LINGO2: variants seen among roughly 807,000 people sequenced by gnomAD.
The protein encoded by LINGO2 is leucine rich repeat and Ig domain containing 2, also known as leucine-rich repeat and immunoglobulin-like domain-containing nogo receptor-interacting protein 2.
Under a neutral mutation model 30.6 loss-of-function variants are expected in LINGO2, and 14 were observed. That is an observed-to-expected ratio of 0.46 (90% CI 0.30 to 0.72). The LOEUF is 0.72. LINGO2 is among the 30% of genes least tolerant of loss of function. LINGO2 has a pLI of 0.07. For missense variants in LINGO2, 729 were observed against 751.7 expected (o/e 0.97, Z 0.35); for synonymous variants, 317 against 288.5 (o/e 1.10, Z -1.00).
chr9:28,325,147 A>G (rs1009656709), intron 3 of LINGO2, among the ~76,000 whole-genome samples: 19 of 150,552 alleles, frequency 1.3e-4, no homozygotes, highest in African/African-American at 4.6e-4. Context: ...TCTCAGCTTG[A>G]CTAAACTTTA....
intron 4 of LINGO2, among the ~76,000 whole-genome samples, chr9:28,209,536 G>A (rs569280944): frequency 1.7e-4 from 26 of 151,828 alleles, no homozygotes; most frequent in South Asian, 8.3e-4. Flanking sequence ...TATGACTTGT[G>A]TATTTATTTT....
chr9:28,064,453 T>C (rs547096674), intron 4 of LINGO2, among the ~76,000 whole-genome samples: 1 of 152,230 alleles, frequency 6.6e-6, no homozygotes, highest in Admixed American at 6.5e-5. Flanking sequence ...TGTCTCGGTA[T>C]AGTAACCTAA....
rs148305424 is a variant in LINGO2 at position 28,581,779 on chromosome 9, A to T, written c.-365+88421T>A. ...CTGATCAATGGTTTTCCTTCTTCTG[A>T]ATATTAAATAATTTTCTAATGTAAA... On this transcript the variant is annotated intron_variant, in intron 1 of 5. Transcript: ENST00000379992. Among the ~76,000 whole-genome samples, 396 of 152,020 alleles carry T rather than the reference A, an allele frequency of 2.6e-3. 3 individuals carry two copies. Among genetic ancestry groups the T allele is most frequent in the African/African-American group, 9.1e-3 (379 of 41,524 alleles).
intron 2 of LINGO2, among the ~76,000 whole-genome samples, chr9:28,435,307 T>A (rs1303225670): frequency 6.6e-6 from 1 of 152,220 alleles, no homozygotes; most frequent in Admixed American, 6.5e-5. Context: ...CTCTAGTACC[T>A]TTATAATGTT....
intron 2 of LINGO2, among the ~76,000 whole-genome samples, chr9:28,375,176 C>T (rs960100180): frequency 2.6e-5 from 4 of 151,776 alleles, no homozygotes; most frequent in Admixed American, 2.0e-4. Flanking sequence ...TTGGCAGCAT[C>T]CATCTGCTGC....
the LINGO2 span, among the ~76,000 whole-genome samples, chr9:29,047,682 T>C: frequency 6.6e-6 from 1 of 152,130 alleles, no homozygotes; most frequent in Non-Finnish European, 1.5e-5. Flanking sequence ...AGAAAAAAAT[T>C]ATACTTGTTT....
chr9:27,993,199 G>A (rs918529627), intron 5 of LINGO2, among the ~76,000 whole-genome samples: 1 of 151,962 alleles, frequency 6.6e-6, no homozygotes, highest in Non-Finnish European at 1.5e-5. Context: ...ATATTAAATT[G>A]GTAATTTTCC....
intron 1 of LINGO2, among the ~76,000 whole-genome samples, chr9:28,560,176 G>A (rs1024735963): frequency 3.9e-5 from 6 of 151,912 alleles, no homozygotes; most frequent in Non-Finnish European, 7.4e-5. Flanking sequence ...AGGATTAATA[G>A]TATGTATCTG....
chr9:28,411,317 G>T (rs1464531330), intron 2 of LINGO2, among the ~76,000 whole-genome samples: 1 of 151,670 alleles, frequency 6.6e-6, no homozygotes, highest in Non-Finnish European at 1.5e-5. Context: ...TTTTATCCTT[G>T]GTTTTTCTCT....
At chr9:28,304,303 T>C (rs548275135) in intron 3 of LINGO2, among the ~76,000 whole-genome samples, 37 of 150,936 alleles carry the variant, frequency 2.5e-4, no homozygotes, top group Non-Finnish European at 4.9e-4. Context: ...TGGCATAGAA[T>C]TAAATAGCTA....
intron 4 of LINGO2, among the ~76,000 whole-genome samples, chr9:28,254,350 G>A (rs926562419): frequency 6.6e-6 from 1 of 151,926 alleles, no homozygotes; most frequent in Non-Finnish European, 1.5e-5. Flanking sequence ...TATTAAAATG[G>A]TAACTAAAAT....
chr9:27,950,365 T>A, exon 6 of LINGO2: 1 of 1,614,154 alleles, frequency 6.2e-7, no homozygotes, highest in Non-Finnish European at 8.5e-7. Flanking sequence ...TTAAAGAGAT[T>A]GTTGAATGCT....
downstream of LINGO2, among the ~76,000 whole-genome samples, chr9:27,944,746 T>G (rs983221606): frequency 4.6e-5 from 7 of 152,262 alleles, no homozygotes; most frequent in African/African-American, 1.7e-4. Context: ...AATAAGTCTT[T>G]ACCTAAGTGC....
intron 1 of LINGO2, among the ~76,000 whole-genome samples, chr9:28,625,833 T>A (rs1179000982): frequency 6.6e-6 from 1 of 152,092 alleles, no homozygotes; most frequent in African/African-American, 2.4e-5. Context: ...TTCTCTAACA[T>A]TTAGCTTTTG....
At chr9:29,074,091 T>C in the LINGO2 span, among the ~76,000 whole-genome samples, 7 of 152,274 alleles carry the variant, frequency 4.6e-5, no homozygotes, top group East Asian at 1.4e-3. Context: ...TATTAATCAA[T>C]TGTTCCAAGA....
chr9:28,958,749 G>T, the LINGO2 span, among the ~76,000 whole-genome samples: 3 of 152,210 alleles, frequency 2.0e-5, no homozygotes, highest in East Asian at 5.8e-4. Context: ...GGAAGGGAGG[G>T]GGGAGAGGGA....
At chr9:28,675,307 T>C in the LINGO2 span, among the ~76,000 whole-genome samples, 4 of 152,152 alleles carry the variant, frequency 2.6e-5, no homozygotes, top group African/African-American at 4.8e-5. Context: ...AAAGGTTAAA[T>C]TGAATGCAAT....
At chr9:28,671,840 T>C (rs904902423), upstream of LINGO2, among the ~76,000 whole-genome samples, 1 of 152,004 alleles carries the variant, frequency 6.6e-6, no homozygotes, top group Non-Finnish European at 1.5e-5. Context: ...AAGGCACATA[T>C]AGAAGATTGG....
chr9:28,761,364 T>C, the LINGO2 span, among the ~76,000 whole-genome samples: 1 of 151,612 alleles, frequency 6.6e-6, no homozygotes, highest in African/African-American at 2.4e-5. Flanking sequence ...TGAGCACCCA[T>C]GGGGAATGAA....
Sources: gnomAD v4.1 joint callset for allele counts (sites outside exome capture counted in the v4.1 genomes callset) on GRCh38, gnomAD v4.1.1 for gene constraint, MANE v1.5 for transcripts, NCBI Gene and HGNC (gene_info 2026-07-23, HGNC 2026-07-21) for gene names.